Variants in SENP5 observed in about 807,000 individuals in gnomAD.
SENP5 encodes sentrin-specific protease 5.
SENP5 carries 21 observed loss-of-function variants against 74.2 expected under a neutral mutation model. The ratio of observed to expected loss-of-function variants is 0.28; its 90% CI spans 0.20 to 0.41. The LOEUF (loss-of-function observed/expected upper bound fraction) is 0.41. Ranked by LOEUF, SENP5 falls within the 10% of genes least tolerant of loss-of-function variation. The pLI is 1.00. For missense variants in SENP5, 717 were observed against 889.1 expected, an observed-to-expected ratio of 0.81 and a Z score of 2.46; for synonymous variants, 311 against 312.7, an observed-to-expected ratio of 0.99 and a Z score of 0.06.
Position 196,885,831 on chromosome 3 carries a change from TCCAACTTAA to T in SENP5, c.656_664del (p.Leu219_Gln221del). 2 of 1,614,186 alleles carry T rather than the reference TCCAACTTAA, an allele frequency of 1.2e-6. No homozygotes were observed. Among genetic ancestry groups the T allele is most frequent in the Non-Finnish European group, 1.7e-6 (2 of 1,180,022 alleles). On this transcript the variant is annotated inframe_deletion, in exon 2 of 10. Transcript: ENST00000323460. ...GGGGGACCCTTGATTCCAAAAAAGT[TCCAACTTAA>T]CCAACATAGAAGGATAAAATTATCT...
intron 6 of SENP5, among the ~76,000 whole-genome samples, chr3:196,908,788 A>G (rs2108846069): frequency 6.6e-6 from 1 of 151,844 alleles, no homozygotes; most frequent in South Asian, 2.1e-4. Context: ...GCGCCATTGC[A>G]CTCCAGCCTG....
At chr3:196,918,977 G>C (rs202143803) in intron 6 of SENP5, among the ~76,000 whole-genome samples, 2 of 151,624 alleles carry the variant, frequency 1.3e-5, no homozygotes, top group African/African-American at 4.9e-5. Flanking sequence ...ATGTATGTGT[G>C]TATCTATCTA....
At chr3:196,881,132 G>A (rs1156397128) in intron 1 of SENP5, among the ~76,000 whole-genome samples, 1 of 151,948 alleles carries the variant, frequency 6.6e-6, no homozygotes, top group East Asian at 1.9e-4. Flanking sequence ...TTTCTTTGTA[G>A]AGATGGGGTT....
intron 1 of SENP5, among the ~76,000 whole-genome samples, chr3:196,883,430 C>T (rs1046960693): frequency 6.6e-6 from 1 of 152,124 alleles, no homozygotes; most frequent in Admixed American, 6.5e-5. Context: ...GAGGGGAATT[C>T]ACGGTGTAAA....
At chr3:196,904,662 G>A (rs1714829136) in intron 6 of SENP5, among the ~76,000 whole-genome samples, 1 of 152,034 alleles carries the variant, frequency 6.6e-6, no homozygotes, top group Non-Finnish European at 1.5e-5. Context: ...GATGGTGGGC[G>A]CCTGTAACCC....
intron 6 of SENP5, chr3:196,914,373 G>A (rs980000148): frequency 6.6e-6 from 1 of 151,466 alleles, no homozygotes; most frequent in Non-Finnish European, 1.5e-5. Context: ...CAGAGATAGT[G>A]AGATTGTGGT....
At chr3:196,924,440 A>T (rs568219954) in intron 7 of SENP5, among the ~76,000 whole-genome samples, 5 of 152,354 alleles carry the variant, frequency 3.3e-5, no homozygotes, top group African/African-American at 9.6e-5. Context: ...TAATTTAGTA[A>T]ATTTTAGGAA....
At chr3:196,926,165 T>C (rs1357149279) in intron 7 of SENP5, among the ~76,000 whole-genome samples, 3 of 152,192 alleles carry the variant, frequency 2.0e-5, no homozygotes, top group African/African-American at 7.2e-5. Context: ...GGACAAATCC[T>C]TTTTGCCTGT....
At chr3:196,899,820 A>C (rs1226499831) in intron 3 of SENP5, 49 bp downstream of exon 3, 4 of 1,560,508 alleles carry the variant, frequency 2.6e-6, no homozygotes, top group Non-Finnish European at 3.5e-6. Context: ...AATTTTTGGC[A>C]TATATGACTT....
At chr3:196,895,646 C>T (rs958214904) in intron 2 of SENP5, among the ~76,000 whole-genome samples, 3 of 152,054 alleles carry the variant, frequency 2.0e-5, no homozygotes, top group Non-Finnish European at 4.4e-5. Flanking sequence ...CTCACCCTCC[C>T]GAGTAGCTGG....
intron 5 of SENP5, among the ~76,000 whole-genome samples, chr3:196,900,749 C>CATACAA (rs1714666621): frequency 1.3e-5 from 2 of 151,960 alleles, no homozygotes; most frequent in Non-Finnish European, 2.9e-5. Context: ...CCATGCCTGG[C>CATACAA]TAATTTTTGT....
chr3:196,904,638 A>C (rs946368409), intron 6 of SENP5, among the ~76,000 whole-genome samples: 1 of 151,850 alleles, frequency 6.6e-6, no homozygotes, highest in African/African-American at 2.4e-5. Context: ...AAATGCAAAA[A>C]TTAGCCGGGC....
chr3:196,903,699 C>A, intron 6 of SENP5, 89 bp downstream of exon 6: 2 of 682,244 alleles, frequency 2.9e-6, no homozygotes, highest in South Asian at 2.1e-5. Flanking sequence ...AATGCCAATA[C>A]GATGTTAAGT....
intron 2 of SENP5, among the ~76,000 whole-genome samples, chr3:196,887,236 A>G (rs967477877): frequency 7.9e-5 from 12 of 151,630 alleles, no homozygotes; most frequent in African/African-American, 1.7e-4. Context: ...CTGGAGTGCA[A>G]TGGTGAGATC....
chr3:196,921,753 G>A (rs1715628625), intron 6 of SENP5, among the ~76,000 whole-genome samples: 1 of 152,176 alleles, frequency 6.6e-6, no homozygotes, highest in Admixed American at 6.5e-5. Flanking sequence ...TTGCTCCAAG[G>A]TCATGAAGAC....
intron 6 of SENP5, among the ~76,000 whole-genome samples, chr3:196,908,170 T>C (rs1714983141): frequency 6.6e-6 from 1 of 152,068 alleles, no homozygotes; most frequent in Non-Finnish European, 1.5e-5. Context: ...GTCCCAGTTA[T>C]CCAGAAGGCT....
rs1203153410 is a variant in SENP5, at chr3:196,885,910, C to T, written c.729C>T (p.Tyr243=). ...YEKLSMIRFR[Y]RILRSQHFRT... Reference sequence around the variant, plus strand: ...AATTATCCATGATTAGATTTCGGTACAGGATTCTCAGATCCCAGCACTTCA... The same window carrying T: ...AATTATCCATGATTAGATTTCGGTATAGGATTCTCAGATCCCAGCACTTCA... Residue 243 remains tyrosine (Y), a synonymous_variant, in exon 2 of 10, where the codon TAC becomes TAT. Coordinates refer to ENST00000323460, the MANE Select transcript of SENP5 (RefSeq NM_152699.5). 13 of 1,613,728 alleles carry T rather than the reference C, an allele frequency of 8.1e-6. No individual in the cohort carries two copies. The highest frequency in any genetic ancestry group is 2.2e-5 in the East Asian group (1 of 44,902).
At position 196,899,461 on chromosome 3, in the gene SENP5, T is replaced by A. The variant is rs1714605195; in HGVS notation, c.1514-205T>A. On this transcript the variant is annotated intron_variant, in intron 2 of 9. Transcript: ENST00000323460. ...GTGAAATGATTCCTCACAGTATGTC[T>A]CTCTAGATTGCATTGGTTAGAGCCT... is the stretch of plus-strand genomic sequence containing the variant. Among the ~76,000 whole-genome samples the A allele has an allele frequency of 2.0e-5, 3 of 152,308 alleles. No individual in the cohort carries two copies. In the South Asian group the frequency reaches 6.2e-4, roughly 32 times the overall value.
intron 1 of SENP5, among the ~76,000 whole-genome samples, chr3:196,873,825 G>A (rs1289418815): frequency 6.6e-6 from 1 of 152,072 alleles, no homozygotes; most frequent in Non-Finnish European, 1.5e-5. Context: ...GTGACATAGT[G>A]AGACTCCATC....
Sources: gnomAD v4.1 joint callset for allele counts (sites outside exome capture counted in the v4.1 genomes callset) on GRCh38, gnomAD v4.1.1 for gene constraint, MANE v1.5 for transcripts, NCBI Gene and HGNC (gene_info 2026-07-23, HGNC 2026-07-21) for gene names.